Variants in TBCE observed in about 807,000 individuals in gnomAD.
TBCE encodes tubulin folding cofactor E, also known as tubulin-specific chaperone E.
A neutral mutation model predicts 77.0 loss-of-function variants in TBCE; 53 were observed. The observed-to-expected ratio is 0.69, with a 90% CI of 0.55 to 0.87. The LOEUF is 0.87. Ranked by LOEUF, TBCE falls within the 40% of genes least tolerant of loss-of-function variation. The pLI is 0.00. For synonymous variants in TBCE, 235 were observed against 241.3 expected (o/e 0.97, Z 0.24); for missense variants, 624 against 622.4 (o/e 1.00, Z -0.03).
intron 6 of TBCE, chr1:235,429,649 T>A (rs1680970361): frequency 6.6e-6 from 1 of 152,202 alleles, no homozygotes; most frequent in Non-Finnish European, 1.5e-5. Flanking sequence ...CACACTTTTC[T>A]AGGCCTTCCT....
At chr1:235,382,890 C>T (rs59575927) in intron 2 of TBCE, among the ~76,000 whole-genome samples, 20,331 of 150,774 alleles carry the variant, frequency 0.13, 1,616 homozygotes, top group African/African-American at 0.22. Context: ...AGTCCTGGCC[C>T]ATGCCTATGT....
Position 235,449,226 on chromosome 1 carries a change from C to CTATT in TBCE, c.*465_*468dup. The CTATT allele has an allele frequency of 1.1e-5, 2 of 189,238 alleles. No individual in the cohort carries two copies. The highest frequency in any genetic ancestry group is 2.6e-3 in the Middle Eastern group (1 of 378). 11.7% of individuals were successfully genotyped at this position (189,238 alleles called of 1,614,324 possible). A position where few individuals can be genotyped will look rare whatever the true frequency, so the allele number is the denominator to read the frequency against. ...ATCCTCTACTATGTATAACAATATG[C>CTATT]TATTATCTGTCTTCTCAGTTGCACT... On this transcript the variant is annotated 3_prime_UTR_variant, in exon 17 of 17. Transcript: ENST00000642610.
chr1:235,411,363 G>A (rs1384990987), intron 3 of TBCE, among the ~76,000 whole-genome samples: 2 of 152,166 alleles, frequency 1.3e-5, no homozygotes, highest in Non-Finnish European at 2.9e-5. Context: ...TGAAGCCTTG[G>A]TAAAATAAGC....
At position 235,437,358 on chromosome 1, in the gene TBCE, C is replaced by G. The variant is rs1355780729; in HGVS notation, c.1000C>G (p.Leu334Val). The change falls in exon 12 of 17, where the codon CTA becomes GTA. Residue 334 changes from leucine (L) to valine (V), a missense_variant. Transcript: ENST00000642610. ...FFNELEKLPS[L>V]RALSCLRNPL... ...CAATGAGCTAGAGAAGTTACCAAGT[C>G]TACGGGCTTTGTCCTGCCTAAGAAA... 1 of 1,614,090 alleles carries G rather than the reference C, an allele frequency of 6.2e-7. No homozygotes were observed. The highest frequency in any genetic ancestry group is 1.1e-5 in the South Asian group (1 of 91,072).
At chr1:235,369,832 C>CAA (rs113566222) in intron 1 of TBCE, among the ~76,000 whole-genome samples, 45 of 112,124 alleles carry the variant, frequency 4.0e-4, no homozygotes, top group Middle Eastern at 4.5e-3. Flanking sequence ...AACTCTGTCT[C>CAA]AAAAAAAAAA....
rs140104308 is a variant in TBCE at position 235,448,745 on chromosome 1, C to A, written c.1567C>A (p.Leu523Ile). 6.2e-7 allele frequency: 1 copy of A among 1,613,138 alleles called. No individual in the cohort carries two copies. Among genetic ancestry groups the A allele is most frequent in the Non-Finnish European group, 8.5e-7 (1 of 1,179,246 alleles). The change falls in exon 17 of 17, where the codon CTA (leucine) becomes ATA (isoleucine). Residue 523 changes from leucine (L) to isoleucine (I), a missense_variant. Coordinates refer to ENST00000642610, the MANE Select transcript of TBCE (RefSeq NM_003193.5). ...TTATTCTGTGGAAAATGGAGATTGT[C>A]TATTAGTGCGATGGTGACAACCAAC... Reference protein sequence around the residue: ...QFYSVENGDCLLVRW With the variant: ...QFYSVENGDCILVRW
chr1:235,371,736 G>A (rs529334551), intron 1 of TBCE, among the ~76,000 whole-genome samples: 2 of 152,042 alleles, frequency 1.3e-5, no homozygotes, highest in African/African-American at 2.4e-5. Context: ...GCAATGGCAC[G>A]ATCTCGGCTC....
chr1:235,380,470 CAAGTA>C (rs1677567995), intron 2 of TBCE, among the ~76,000 whole-genome samples: 1 of 152,066 alleles, frequency 6.6e-6, no homozygotes, highest in African/African-American at 2.4e-5. Context: ...AACCTCAACT[CAAGTA>C]ATTTTTTTGA....
At chr1:235,418,720 C>A (rs186343376) in intron 4 of TBCE, among the ~76,000 whole-genome samples, 7 of 152,100 alleles carry the variant, frequency 4.6e-5, no homozygotes, top group African/African-American at 7.2e-5. Context: ...CATGTGTCAC[C>A]GTAGTGAAAT....
chr1:235,379,939 C>G (rs1677519660), intron 1 of TBCE, 80 bp from the exon 2 acceptor site: 1 of 812,440 alleles, frequency 1.2e-6, no homozygotes, highest in African/African-American at 2.2e-5. Context: ...CAGAGCAAGA[C>G]TGTGCCTCAA....
intron 3 of TBCE, among the ~76,000 whole-genome samples, chr1:235,408,572 G>A (rs1317329882): frequency 6.6e-6 from 1 of 152,074 alleles, no homozygotes; most frequent in East Asian, 1.9e-4. Context: ...CAACGCAAAA[G>A]CAGTTGAGAT....
chr1:235,389,093 G>A (rs568651426), intron 2 of TBCE, among the ~76,000 whole-genome samples: 3 of 152,210 alleles, frequency 2.0e-5, no homozygotes, highest in Non-Finnish European at 4.4e-5. Context: ...CAGCTATTGG[G>A]AGATAAGTCC....
chr1:235,389,059 C>T (rs1678208346), intron 2 of TBCE, among the ~76,000 whole-genome samples: 1 of 152,148 alleles, frequency 6.6e-6, no homozygotes, highest in Non-Finnish European at 1.5e-5. Context: ...CAGTTGAGGG[C>T]TATTTACCAA....
At chr1:235,417,768 T>TG (rs398103832) in intron 4 of TBCE, among the ~76,000 whole-genome samples, 4 of 147,344 alleles carry the variant, frequency 2.7e-5, no homozygotes, top group South Asian at 4.3e-4. Flanking sequence ...TTCTTTTTTT[T>TG]GTTGTTGTTT....
At chr1:235,428,030 A>AAAAACAAACAAGGGC (rs1680831359) in intron 6 of TBCE, among the ~76,000 whole-genome samples, 1 of 151,612 alleles carries the variant, frequency 6.6e-6, no homozygotes, top group African/African-American at 2.4e-5. Context: ...ACTCCGTCAA[A>AAAAACAAACAAGGGC]AAAACAAACA....
rs756141053 is a variant in TBCE at position 235,419,485 on chromosome 1, G to A, written c.384G>A (p.Lys128=). The change falls in exon 5 of 17, where the codon AAG becomes AAA. Residue 128 remains lysine (K), a synonymous_variant. Transcript: ENST00000642610. ...GTTTTTCATGCAGTCAGCTGAGCAA[G>A]TTGCAAGAAGTTTCTCTGAGGAACT... The part of the protein sequence containing the change: ...SIMKQQSQLS[K]LQEVSLRNCA... The A allele has an allele frequency of 7.4e-6, 12 of 1,614,038 alleles. No individual in the cohort carries two copies. In the South Asian group the frequency reaches 1.2e-4, roughly 16 times the overall value.
rs181761284 is a variant in TBCE at position 235,411,826 on chromosome 1, T to A, written c.186-2607T>A. 2.5e-3 allele frequency among the ~76,000 whole-genome samples: 384 copies of A among 152,130 alleles called. 1 individual carries two copies. Among genetic ancestry groups the A allele is most frequent in the Non-Finnish European group, 4.1e-3 (276 of 67,988 alleles). On this transcript the variant is annotated intron_variant, in intron 3 of 16. Transcript: ENST00000642610. ...TCATCAACATACAAGGTGGATATTT[T>A]CTCCTGTCTTAAGCAATCTCCCTCC...
chr1:235,369,367 C>T (rs1243481579), intron 1 of TBCE, among the ~76,000 whole-genome samples: 8 of 151,354 alleles, frequency 5.3e-5, no homozygotes, highest in South Asian at 2.1e-4. Context: ...ATTAGCCGGG[C>T]GTGGTGGTGC....
chr1:235,402,176 G>C (rs1411523706), intron 3 of TBCE, among the ~76,000 whole-genome samples: 1 of 150,550 alleles, frequency 6.6e-6, no homozygotes, highest in African/African-American at 2.4e-5. Flanking sequence ...CAATTCTCCT[G>C]CCTCAGCCTC....
Sources: gnomAD v4.1 joint callset for allele counts (sites outside exome capture counted in the v4.1 genomes callset) on GRCh38, gnomAD v4.1.1 for gene constraint, MANE v1.5 for transcripts, NCBI Gene and HGNC (gene_info 2026-07-23, HGNC 2026-07-21) for gene names.